Variants in SLC35F3 observed in about 807,000 individuals in gnomAD.
The protein encoded by SLC35F3 is solute carrier family 35 member F3, also known as putative thiamine transporter SLC35F3.
SLC35F3 carries 25 observed loss-of-function variants against 49.9 expected under a neutral mutation model. The observed-to-expected ratio is 0.50, with a 90% CI of 0.37 to 0.70. SLC35F3 has a LOEUF of 0.70. Among genes scored for constraint, SLC35F3 ranks in the 30% least tolerant of loss-of-function variants. SLC35F3 has a pLI of 0.00. For synonymous variants in SLC35F3, 275 were observed against 265.4 expected, an observed-to-expected ratio of 1.04 and a Z score of -0.35; for missense variants, 525 against 639.8, an observed-to-expected ratio of 0.82 and a Z score of 1.94.
At chr1:233,976,254 A>G (rs1459364831) in intron 2 of SLC35F3, among the ~76,000 whole-genome samples, 2 of 152,202 alleles carry the variant, frequency 1.3e-5, no homozygotes, top group African/African-American at 4.8e-5. Context: ...TAAACAAGAA[A>G]AAGCAGAAAT....
At chr1:234,252,676 T>TAACAAATAACAAATAA (rs1245868865) in intron 3 of SLC35F3, among the ~76,000 whole-genome samples, 1 of 152,200 alleles carries the variant, frequency 6.6e-6, no homozygotes, top group African/African-American at 2.4e-5. Context: ...TTTTTATCTG[T>TAACAAATAACAAATAA]CAAATTAACA....
intron 2 of SLC35F3, among the ~76,000 whole-genome samples, chr1:233,940,140 C>G (rs1002965701): frequency 6.6e-6 from 1 of 152,052 alleles, no homozygotes; most frequent in African/African-American, 2.4e-5. Flanking sequence ...ATAATCTGCA[C>G]TTTGTTCTGC....
intron 2 of SLC35F3, among the ~76,000 whole-genome samples, chr1:233,981,000 C>T (rs1558195912): frequency 6.6e-6 from 1 of 152,188 alleles, no homozygotes; most frequent in East Asian, 1.9e-4. Flanking sequence ...AACTCACACA[C>T]ATGGGAAGTG....
chr1:234,181,564 T>A (rs1051379513), intron 2 of SLC35F3, among the ~76,000 whole-genome samples: 1 of 152,168 alleles, frequency 6.6e-6, no homozygotes, highest in Admixed American at 6.5e-5. Flanking sequence ...TATCTTTTAA[T>A]CTATAGGTGC....
intron 2 of SLC35F3, among the ~76,000 whole-genome samples, chr1:234,139,275 A>T (rs10910362): frequency 0.018 from 2,772 of 152,330 alleles, 77 homozygotes; most frequent in African/African-American, 0.063. Flanking sequence ...TTCTTGAGAC[A>T]TTAGGAAAAA....
intron 2 of SLC35F3, among the ~76,000 whole-genome samples, chr1:234,011,982 A>G (rs1051443445): frequency 3.3e-5 from 5 of 152,174 alleles, no homozygotes; most frequent in Non-Finnish European, 1.5e-5. Context: ...GAGTTCCCTC[A>G]GTTTTTATTG....
At position 234,323,260 on chromosome 1, in the gene SLC35F3, C is replaced by T. The variant is rs773895545; in HGVS notation, c.*17C>T. On this transcript the variant is annotated 3_prime_UTR_variant, in exon 8 of 8. Transcript: ENST00000366618. This position sits in a 1 kb window ranked among gnomAD's most constrained non-coding sequence, Gnocchi z 4.5. ...GCCCGCTAACACCACTCCTCTAGAA[C>T]TCGGTGGTAATGACTGGGAGGTCTA... 2 of 1,604,394 alleles carry T rather than the reference C, an allele frequency of 1.2e-6. No homozygotes were observed. Among genetic ancestry groups the T allele is most frequent in the Admixed American group, 1.7e-5 (1 of 58,534 alleles).
intron 2 of SLC35F3, among the ~76,000 whole-genome samples, chr1:233,912,251 G>A (rs927985351): frequency 5.9e-5 from 9 of 152,278 alleles, no homozygotes; most frequent in African/African-American, 1.4e-4. Context: ...AGGCCAAGGC[G>A]GGTGAATCAC....
chr1:234,196,787 C>G (rs1453721974), intron 2 of SLC35F3, among the ~76,000 whole-genome samples: 1 of 152,114 alleles, frequency 6.6e-6, no homozygotes, highest in East Asian at 1.9e-4. Flanking sequence ...TAAAAAAATA[C>G]AAAAATTAGC....
intron 3 of SLC35F3, among the ~76,000 whole-genome samples, chr1:234,301,009 C>T (rs1274939635): frequency 6.6e-6 from 1 of 152,104 alleles, no homozygotes; most frequent in Non-Finnish European, 1.5e-5. Flanking sequence ...AAGTATCTGG[C>T]CTGGGTAGAA....
intron 2 of SLC35F3, among the ~76,000 whole-genome samples, chr1:234,224,283 T>C (rs994215571): frequency 5.3e-5 from 8 of 152,202 alleles, no homozygotes; most frequent in African/African-American, 1.9e-4. Context: ...CCAACACTGG[T>C]CTTGAACCCC....
At chr1:234,048,100 A>G (rs1449159648) in intron 2 of SLC35F3, among the ~76,000 whole-genome samples, 1 of 152,180 alleles carries the variant, frequency 6.6e-6, no homozygotes, top group Non-Finnish European at 1.5e-5. Flanking sequence ...AATGCAACTT[A>G]GTTGCAAGCA....
chr1:234,053,515 T>C (rs143074970), intron 2 of SLC35F3, among the ~76,000 whole-genome samples: 8,082 of 152,278 alleles, frequency 0.053, 298 homozygotes, highest in Non-Finnish European at 0.08. Flanking sequence ...TCCATCCCTT[T>C]ATTTTGAGCC....
In SLC35F3 at chr1:233,921,790, T is replaced by C. The variant is rs545703194; in HGVS notation, c.283+16032T>C. On this transcript the variant is annotated intron_variant, in intron 2 of 7. Transcript: ENST00000366618. ...TTACATTAGGTATTTCTCCTAATGC[T>C]ATCCCTCCCCCCTCCCCCCAACAGG... 2.0e-5 allele frequency among the ~76,000 whole-genome samples: 3 copies of C among 151,402 alleles called. No homozygotes were observed. The South Asian group carries it at 6.3e-4, about 32-fold the overall frequency.
intron 2 of SLC35F3, among the ~76,000 whole-genome samples, chr1:234,107,839 T>C (rs1027943865): frequency 6.6e-6 from 1 of 152,162 alleles, no homozygotes; most frequent in Non-Finnish European, 1.5e-5. Context: ...CTTTTATTAA[T>C]GGAAGCACTC....
At chr1:233,954,058 G>A (rs1662654028) in intron 2 of SLC35F3, among the ~76,000 whole-genome samples, 1 of 151,268 alleles carries the variant, frequency 6.6e-6, no homozygotes, top group Non-Finnish European at 1.5e-5. Flanking sequence ...CCAGGCTGGA[G>A]TGCAGGGGCA....
rs192562049 is a variant in SLC35F3 at position 234,054,607 on chromosome 1, G to T, written c.283+148849G>T. ...GAACATTCTCCTTTAGTTCAGAGAA[G>T]TTTATTACCGATTGTCTGAAGCCTT... On this transcript the variant is annotated intron_variant, in intron 2 of 7. Coordinates refer to ENST00000366618, the MANE Select transcript of SLC35F3 (RefSeq NM_173508.4). Among the ~76,000 whole-genome samples the T allele has an allele frequency of 1.1e-4, 16 of 152,264 alleles. No individual in the cohort carries two copies. In the East Asian group the frequency reaches 2.5e-3, roughly 24 times the overall value.
At chr1:233,955,840 G>T (rs1387088448) in intron 2 of SLC35F3, among the ~76,000 whole-genome samples, 6 of 83,022 alleles carry the variant, frequency 7.2e-5, no homozygotes, top group South Asian at 4.2e-4. Context: ...TGTTTCCATT[G>T]TTGACCACAA....
At chr1:234,162,744 T>C (rs187489744) in intron 2 of SLC35F3, among the ~76,000 whole-genome samples, 10 of 152,138 alleles carry the variant, frequency 6.6e-5, no homozygotes, top group Non-Finnish European at 1.5e-4. Context: ...GTCAAAGGGA[T>C]GATTAAGACT....
Sources: allele counts gnomAD v4.1 joint callset (sites outside exome capture counted in the v4.1 genomes callset), GRCh38; gene constraint gnomAD v4.1.1; non-coding constraint Gnocchi (gnomAD v3.1); transcripts MANE v1.5; gene names NCBI Gene and HGNC (gene_info 2026-07-23, HGNC 2026-07-21).